The following DSCAML1 variants were observed in gnomAD, a reference collection of about 807,000 sequenced individuals.
DSCAML1 encodes DS cell adhesion molecule like 1, also known as cell adhesion molecule DSCAML1.
A neutral mutation model predicts 200.5 loss-of-function variants in DSCAML1; 38 were observed. The ratio of observed to expected loss-of-function variants is 0.19; its 90% CI spans 0.15 to 0.25. DSCAML1 has a LOEUF of 0.25. Ranked by LOEUF, DSCAML1 falls within the 10% of genes least tolerant of loss-of-function variation. The probability of loss-of-function intolerance (pLI) is 1.00; values close to 1 mark genes in which losing one functional copy is unlikely to be tolerated. For synonymous variants in DSCAML1, 1,215 were observed against 1,165.0 expected, an observed-to-expected ratio of 1.04 and a Z score of -0.87; for missense variants, 2,223 against 2,858.8, an observed-to-expected ratio of 0.78 and a Z score of 5.07.
At chr11:117,555,429 C>T (rs1385364950) in intron 3 of DSCAML1, among the ~76,000 whole-genome samples, 1 of 152,174 alleles carries the variant, frequency 6.6e-6, no homozygotes. Flanking sequence ...ACAGGAGGAG[C>T]TCAAGGTGCG....
chr11:117,525,485 C>G (rs2049962550), intron 4 of DSCAML1, among the ~76,000 whole-genome samples: 1 of 150,418 alleles, frequency 6.6e-6, no homozygotes, highest in South Asian at 2.1e-4. Flanking sequence ...GAAATGGAGT[C>G]TCAATCACTC....
intron 1 of DSCAML1, among the ~76,000 whole-genome samples, chr11:117,802,801 T>C (rs1424638213): frequency 6.6e-6 from 1 of 152,176 alleles, no homozygotes; most frequent in Non-Finnish European, 1.5e-5. Flanking sequence ...GATTCTCACC[T>C]AAAAGGATCT....
chr11:117,514,561 C>CTTTTCTTTTTCT lies in DSCAML1; in HGVS notation c.1783+1894_1783+1905dup, dbSNP rs1565755586. 2.5e-5 allele frequency among the ~76,000 whole-genome samples: 3 copies of CTTTTCTTTTTCT among 118,530 alleles called. 1 individual carries two copies. The highest frequency in any genetic ancestry group is 6.4e-5 in the African/African-American group (2 of 31,314). The allele number at this position is 118,530 out of a possible 152,430, so 77.8% of individuals were successfully genotyped here. A position where few individuals can be genotyped will look rare whatever the true frequency, so the allele number is the denominator to read the frequency against. Reference sequence around the variant, plus strand: ...CCAGATGGCAATTTACTTAACTTTTCTTTTCTTTTTCTTTTTTTTTTTTTT... The same window carrying CTTTTCTTTTTCT: ...CCAGATGGCAATTTACTTAACTTTTCTTTTCTTTTTCTTTTTCTTTTTCTTTTTTTTTTTTTT... On this transcript the variant is annotated intron_variant, in intron 8 of 32. Transcript: ENST00000651296.
At chr11:117,439,512 G>T in intron 22 of DSCAML1, 83 bp from the exon 23 acceptor site, 1 of 1,525,234 alleles carries the variant, frequency 6.6e-7, no homozygotes, top group Non-Finnish European at 8.8e-7. Flanking sequence ...GTGACAAAGA[G>T]AGCTGGGGGT....
intron 3 of DSCAML1, among the ~76,000 whole-genome samples, chr11:117,732,484 T>C (rs2054239579): frequency 6.6e-6 from 1 of 152,180 alleles, no homozygotes; most frequent in Admixed American, 6.5e-5. Context: ...GCCTCTATTA[T>C]AAAAAGACGA....
chr11:117,531,386 T>C (rs1178673096), intron 4 of DSCAML1, among the ~76,000 whole-genome samples: 1 of 152,154 alleles, frequency 6.6e-6, no homozygotes, highest in Non-Finnish European at 1.5e-5. Context: ...TGACGGTCCC[T>C]GACAGAAACA....
chr11:117,718,746 C>T (rs577598775), intron 3 of DSCAML1, among the ~76,000 whole-genome samples: 3 of 137,114 alleles, frequency 2.2e-5, no homozygotes, highest in Admixed American at 1.7e-4. Context: ...CTCGTTACTG[C>T]GCACTTGGCC....
chr11:117,502,193 G>A (rs1461034935), intron 11 of DSCAML1, among the ~76,000 whole-genome samples: 18 of 152,192 alleles, frequency 1.2e-4, no homozygotes, highest in Admixed American at 1.0e-3. Context: ...CCTGAGGCAC[G>A]TGGGGTCCCC....
chr11:117,516,881 C>T lies in DSCAML1; in HGVS notation c.1511-142G>A. 1 of 1,029,944 alleles carries T rather than the reference C, an allele frequency of 9.7e-7. No homozygotes were observed. Among genetic ancestry groups the T allele is most frequent in the Non-Finnish European group, 1.4e-6 (1 of 726,660 alleles). The allele number at this position is 1,029,944 out of a possible 1,614,324, so 63.8% of individuals were successfully genotyped here. On this transcript the variant is annotated intron_variant, in intron 7 of 32. Transcript: ENST00000651296. The surrounding 1 kb of genome is among the most constrained non-coding windows in gnomAD (Gnocchi z 5.7). ...CGGGGGCGGACATTTGGTGGGGGCACAGGGATGCCTTTTTACAAAGCTACA... is the reference window on the plus strand; with the variant it reads ...CGGGGGCGGACATTTGGTGGGGGCATAGGGATGCCTTTTTACAAAGCTACA...
intron 3 of DSCAML1, among the ~76,000 whole-genome samples, chr11:117,760,920 A>T (rs2054789035): frequency 6.6e-6 from 1 of 152,196 alleles, no homozygotes; most frequent in South Asian, 2.1e-4. Flanking sequence ...TTAGAGACAG[A>T]GCCGGAAGTA....
intron 3 of DSCAML1, among the ~76,000 whole-genome samples, chr11:117,649,224 T>C (rs1349817304): frequency 6.6e-6 from 1 of 151,990 alleles, no homozygotes; most frequent in Non-Finnish European, 1.5e-5. Flanking sequence ...ATTACAGGCG[T>C]GCACCCCCAC....
chr11:117,636,607 C>T (rs564459837), intron 3 of DSCAML1, among the ~76,000 whole-genome samples: 2 of 152,280 alleles, frequency 1.3e-5, no homozygotes, highest in South Asian at 4.1e-4. Flanking sequence ...GGGAGCCACA[C>T]TTCCCCCTGC....
chr11:117,701,609 G>C (rs952648665), intron 3 of DSCAML1, among the ~76,000 whole-genome samples: 2 of 152,192 alleles, frequency 1.3e-5, no homozygotes, highest in African/African-American at 4.8e-5. Flanking sequence ...AAGCCAGCGC[G>C]GGGTGGGGGA....
chr11:117,797,381 G>A, upstream of DSCAML1: 2 of 918,244 alleles, frequency 2.2e-6, no homozygotes, highest in South Asian at 3.2e-5. Flanking sequence ...CAGGAGCGGC[G>A]GCCCGGGCCA....
At chr11:117,490,677 G>A (rs2049165772) in intron 11 of DSCAML1, among the ~76,000 whole-genome samples, 1 of 152,236 alleles carries the variant, frequency 6.6e-6, no homozygotes, top group African/African-American at 2.4e-5. Context: ...AGCCCAGAGA[G>A]GTTCAGTGAT....
intron 3 of DSCAML1, among the ~76,000 whole-genome samples, chr11:117,730,821 G>A (rs546693377): frequency 4.3e-4 from 65 of 152,244 alleles, no homozygotes; most frequent in African/African-American, 1.4e-3. Flanking sequence ...ATCAATGGGC[G>A]AATTGATAAA....
At chr11:117,617,680 GCACACACACACACACACA>G (rs36207373) in intron 3 of DSCAML1, among the ~76,000 whole-genome samples, 108 of 143,004 alleles carry the variant, frequency 7.6e-4, no homozygotes, top group Non-Finnish European at 1.0e-3. Context: ...ACAGGTACAC[GCACACACACACACACACA>G]CACACACACA....
At chr11:117,737,145 C>T (rs2054331986) in intron 3 of DSCAML1, among the ~76,000 whole-genome samples, 1 of 152,192 alleles carries the variant, frequency 6.6e-6, no homozygotes, top group Non-Finnish European at 1.5e-5. Flanking sequence ...TCCTATGAAT[C>T]GGGAAGCTTG....
chr11:117,753,115 A>G (rs1318877193), intron 3 of DSCAML1, among the ~76,000 whole-genome samples: 1 of 152,158 alleles, frequency 6.6e-6, no homozygotes, highest in Non-Finnish European at 1.5e-5. Flanking sequence ...TAACCTCTCT[A>G]AGCCTCTGTT....
Sources: gnomAD v4.1 joint callset for allele counts (sites outside exome capture counted in the v4.1 genomes callset) on GRCh38, gnomAD v4.1.1 for gene constraint, Gnocchi (gnomAD v3.1) non-coding constraint, MANE v1.5 for transcripts, NCBI Gene and HGNC (gene_info 2026-07-23, HGNC 2026-07-21) for gene names.